Variants in YJU2B observed in about 807,000 individuals in gnomAD.
YJU2B encodes probable splicing factor YJU2B.
A neutral mutation model predicts 38.0 loss-of-function variants in YJU2B; 18 were observed. The observed-to-expected ratio is 0.47, with a 90% confidence interval of 0.33 to 0.70. The LOEUF (loss-of-function observed/expected upper bound fraction) is 0.70, where lower values mean the gene tolerates loss of function less well. YJU2B is among the 30% of genes least tolerant of loss of function. The pLI, the probability that YJU2B is intolerant of heterozygous loss-of-function variation, is 0.02. For synonymous variants in YJU2B, 246 were observed against 225.4 expected, an observed-to-expected ratio of 1.09 and a Z score of -0.82; for missense variants, 538 against 556.3, an observed-to-expected ratio of 0.97 and a Z score of 0.33.
At chr19:13,745,691 A>ATATC (rs1555699823), upstream of YJU2B, among the ~76,000 whole-genome samples, 1 of 58,724 alleles carries the variant, frequency 1.7e-5, no homozygotes, top group African/African-American at 6.6e-5. Context: ...AGATAGATAG[A>ATATC]TATAGATATA....
intron 2 of YJU2B, among the ~76,000 whole-genome samples, chr19:13,742,294 CTTTTTTTTTT>C (rs552865402): frequency 3.0e-4 from 34 of 111,978 alleles, no homozygotes; most frequent in African/African-American, 1.2e-3. Context: ...TTGAGTCCCA[CTTTTTTTTTT>C]TTTTTTTTTT....
chr19:13,750,833 G>A (rs926744611), intron 1 of YJU2B, among the ~76,000 whole-genome samples: 3 of 146,450 alleles, frequency 2.0e-5, no homozygotes, highest in African/African-American at 7.6e-5. Flanking sequence ...ACTCCAGCCT[G>A]GGTGATAGAG....
chr19:13,754,944 C>T (rs1403392944), intron 3 of YJU2B, among the ~76,000 whole-genome samples: 2 of 152,074 alleles, frequency 1.3e-5, no homozygotes, highest in South Asian at 2.1e-4. Context: ...CCAGCTGCCT[C>T]GTCCTGAGTA....
intron 2 of YJU2B, among the ~76,000 whole-genome samples, chr19:13,735,768 T>TG (rs1293662840): frequency 6.6e-6 from 1 of 152,054 alleles, no homozygotes; most frequent in Non-Finnish European, 1.5e-5. Flanking sequence ...ACTGGCCTCT[T>TG]GCGGCCGGGT....
At chr19:13,743,935 T>C (rs1468867485), upstream of YJU2B, among the ~76,000 whole-genome samples, 1 of 151,686 alleles carries the variant, frequency 6.6e-6, no homozygotes, top group East Asian at 1.9e-4. Context: ...GGCTCACGCC[T>C]GTAATCCCAA....
intron 8 of YJU2B, among the ~76,000 whole-genome samples, chr19:13,760,536 C>T (rs73009850): frequency 0.023 from 3,515 of 152,154 alleles, 107 homozygotes; most frequent in Non-Finnish European, 0.031. Flanking sequence ...GAGACCATAG[C>T]TCACCCCTAC....
rs372056676 is a variant in YJU2B at position 13,734,914 on chromosome 19, T to G, written c.-202+2629T>G. 7.2e-5 allele frequency among the ~76,000 whole-genome samples: 11 copies of G among 152,312 alleles called. 1 individual carries two copies. Among genetic ancestry groups the G allele is most frequent in the Admixed American group, 4.6e-4 (7 of 15,282 alleles). On this transcript the variant is annotated intron_variant, in intron 2 of 10. Transcript: ENST00000586600. ...AGCTTCTGCACCTGGCTAAGATTCT[T>G]AAAATAGCCAGATTTTCTGGAAACT...
intron 1 of YJU2B, 45 bp from the exon 2 acceptor site, chr19:13,751,563 C>T (rs1045324649): frequency 7.5e-6 from 4 of 529,982 alleles, no homozygotes; most frequent in Non-Finnish European, 6.8e-6. Context: ...AGATGTGATG[C>T]GTATATTGGC....
At chr19:13,743,147 G>GTTTTTTTTTTTTT (rs1568279357), upstream of YJU2B, among the ~76,000 whole-genome samples, 1 of 152,056 alleles carries the variant, frequency 6.6e-6, no homozygotes, top group African/African-American at 2.4e-5. Flanking sequence ...TGCAGGTGGG[G>GTTTTTTTTTTTTT]GTTTTTTAAG....
chr19:13,763,151 T>C lies in YJU2B; in HGVS notation c.*83T>C. 1 of 1,194,820 alleles carries C rather than the reference T, an allele frequency of 8.4e-7. No individual in the cohort carries two copies. The highest frequency in any genetic ancestry group is 1.2e-6 in the Non-Finnish European group (1 of 860,154). 74.0% of individuals were successfully genotyped at this position (1,194,820 alleles called of 1,614,324 possible). ...CCCTCACAGACTGCAGACCCCCGGC[T>C]CGCCCACCAGCCCTGGGAGAGCTCA... On this transcript the variant is annotated 3_prime_UTR_variant, in exon 10 of 10. Transcript: ENST00000221554.
At chr19:13,754,177 A>G in intron 2 of YJU2B, 112 bp from the exon 3 acceptor site, 1 of 802,324 alleles carries the variant, frequency 1.2e-6, no homozygotes. Context: ...ATCTCTAAAA[A>G]TTAATAGTAA....
chr19:13,754,200 G>GA (rs200837554), intron 2 of YJU2B, 89 bp from the exon 3 acceptor site: 1 of 1,061,092 alleles, frequency 9.4e-7, no homozygotes, highest in Non-Finnish European at 1.5e-6. Context: ...TAAAAAATCA[G>GA]AAAAAATTTT....
At chr19:13,752,671 G>C (rs1265578426) in intron 2 of YJU2B, among the ~76,000 whole-genome samples, 1 of 152,152 alleles carries the variant, frequency 6.6e-6, no homozygotes, top group Non-Finnish European at 1.5e-5. Context: ...TTGAACCCGG[G>C]AGGTGGAGGT....
chr19:13,757,703 G>A (rs1973720276), intron 5 of YJU2B, 83 bp from the exon 6 acceptor site: 5 of 1,398,048 alleles, frequency 3.6e-6, no homozygotes, highest in Non-Finnish European at 3.0e-6. Context: ...GCAAGTGACA[G>A]TGAGCCTCTT....
At chr19:13,753,909 G>A (rs970606892) in intron 2 of YJU2B, among the ~76,000 whole-genome samples, 4 of 151,984 alleles carry the variant, frequency 2.6e-5, no homozygotes, top group East Asian at 3.9e-4. Context: ...ATGAGATTTC[G>A]CCTGTAATCC....
rs374818294 is a variant in YJU2B, at chr19:13,759,092, C to A, written c.401-8C>A. 6.2e-7 allele frequency: 1 copy of A among 1,613,388 alleles called. No individual in the cohort carries two copies. Among genetic ancestry groups the A allele is most frequent in the Non-Finnish European group, 8.5e-7 (1 of 1,179,844 alleles). On this transcript the variant is annotated splice_region_variant and splice_polypyrimidine_tract_variant and intron_variant, in intron 7 of 9. Coordinates refer to ENST00000221554, the MANE Select transcript of YJU2B (RefSeq NM_030818.4). ...CCCCAAAGCCCAGCCGAGCTCTGATCGTTGCAGAGCATGAGAAGAAGCAGA... is the reference window on the plus strand; with the variant it reads ...CCCCAAAGCCCAGCCGAGCTCTGATAGTTGCAGAGCATGAGAAGAAGCAGA...
At chr19:13,737,512 C>T (rs542703577) in intron 2 of YJU2B, among the ~76,000 whole-genome samples, 4 of 150,598 alleles carry the variant, frequency 2.7e-5, no homozygotes, top group South Asian at 2.1e-4. Context: ...TAGGGCTGGG[C>T]GCGGTGGCTC....
chr19:13,745,694 T>TAGATAGATAG (rs1555699820), upstream of YJU2B, among the ~76,000 whole-genome samples: 52 of 37,136 alleles, frequency 1.4e-3, no homozygotes, highest in Non-Finnish European at 2.5e-3. Context: ...TAGATAGATA[T>TAGATAGATAG]AGATATATAG....
chr19:13,742,051 A>G (rs1435709230), intron 2 of YJU2B, among the ~76,000 whole-genome samples: 2 of 152,106 alleles, frequency 1.3e-5, no homozygotes, highest in Non-Finnish European at 2.9e-5. Context: ...GAGAGATTAC[A>G]TGGGAGACTT....
Sources: allele counts gnomAD v4.1 joint callset (sites outside exome capture counted in the v4.1 genomes callset), GRCh38; gene constraint gnomAD v4.1.1; transcripts MANE v1.5; gene names NCBI Gene and HGNC (gene_info 2026-07-23, HGNC 2026-07-21).